TLN2: variants seen among roughly 807,000 people sequenced by gnomAD.
TLN2 encodes the protein talin 2, also known as talin-2.
Under a neutral mutation model 294.7 loss-of-function variants are expected in TLN2, and 118 were observed. That is an observed-to-expected ratio of 0.40 (90% CI 0.34 to 0.47). The LOEUF (loss-of-function observed/expected upper bound fraction) is 0.47. TLN2 is among the 20% of genes least tolerant of loss of function. The pLI is 0.84. For missense variants in TLN2, 3,083 were observed against 3,282.2 expected (o/e 0.94, Z 1.48); for synonymous variants, 1,431 against 1,304.5 (o/e 1.10, Z -2.09).
At position 62,752,402 on chromosome 15, in the gene TLN2, G is replaced by T; in HGVS notation, c.4307G>T (p.Cys1436Phe). Residue 1436 changes from cysteine to phenylalanine, a missense_variant, in exon 35 of 59, where the codon TGT (cysteine) becomes TTT (phenylalanine). By Grantham distance (205) the Cys-to-Phe change is radical (BLOSUM62 -2). Transcript: ENST00000636159. ...GTGGGGATTGCATCCAAGGCTCTCTGTGGGCTGACAGAGGCTGCAGCCCAG... is the reference window on the plus strand; with the variant it reads ...GTGGGGATTGCATCCAAGGCTCTCTTTGGGCTGACAGAGGCTGCAGCCCAG... ...ECVGIASKAL[C>F]GLTEAAAQAA... 1 of 1,614,196 alleles carries T rather than the reference G, an allele frequency of 6.2e-7. No individual in the cohort carries two copies. The highest frequency in any genetic ancestry group is 8.5e-7 in the Non-Finnish European group (1 of 1,180,028).
intron 1 of TLN2, among the ~76,000 whole-genome samples, chr15:62,562,327 C>T (rs965593781): frequency 2.0e-5 from 3 of 152,106 alleles, no homozygotes; most frequent in Non-Finnish European, 2.9e-5. Context: ...GGCAAGGCAT[C>T]GTGGGACAGT....
At chr15:62,595,766 C>T (rs1342460428) in intron 2 of TLN2, among the ~76,000 whole-genome samples, 1 of 152,046 alleles carries the variant, frequency 6.6e-6, no homozygotes, top group Non-Finnish European at 1.5e-5. Flanking sequence ...CATGGATGAA[C>T]CTGGAGAGCA....
chr15:62,488,790 C>T (rs1209972386), intron 1 of TLN2, among the ~76,000 whole-genome samples: 1 of 152,142 alleles, frequency 6.6e-6, no homozygotes, highest in Non-Finnish European at 1.5e-5. Flanking sequence ...TGCTGAGTTG[C>T]TGATTTACCC....
chr15:62,558,115 TG>T (rs2042707886), intron 1 of TLN2, among the ~76,000 whole-genome samples: 1 of 152,244 alleles, frequency 6.6e-6, no homozygotes, highest in African/African-American at 2.4e-5. Flanking sequence ...AAGCTATCAT[TG>T]TAATTCGTTT....
At chr15:62,669,838 T>C (rs1341998367) in intron 9 of TLN2, among the ~76,000 whole-genome samples, 3 of 152,192 alleles carry the variant, frequency 2.0e-5, no homozygotes, top group Non-Finnish European at 4.4e-5. Context: ...GCTGATTTAC[T>C]GGGGAAAATA....
At chr15:62,589,009 C>T (rs987467461) in intron 1 of TLN2, among the ~76,000 whole-genome samples, 2 of 151,842 alleles carry the variant, frequency 1.3e-5, no homozygotes, top group African/African-American at 4.8e-5. Flanking sequence ...TCATACCCAC[C>T]CAGATTTGAT....
At position 62,805,638 on chromosome 15, in the gene TLN2, A is replaced by G. The variant is rs778575468; in HGVS notation, c.6516A>G (p.Ser2172=). Residue 2172 remains serine (S), a synonymous_variant, in exon 51 of 59, where the codon TCA becomes TCG. Coordinates refer to ENST00000636159, the MANE Select transcript of TLN2 (RefSeq NM_015059.3). ...QSKDVPEKTS[S]PEESIRMTKG... is the part of the protein sequence containing the mutation. ...AAGACGTACCTGAAAAGACATCATCACCTGAAGAATCCATAAGGATGACGA... is the reference window on the plus strand; with the variant it reads ...AAGACGTACCTGAAAAGACATCATCGCCTGAAGAATCCATAAGGATGACGA... The G allele has an allele frequency of 6.2e-7, 1 of 1,613,534 alleles. No homozygotes were observed. Among genetic ancestry groups the G allele is most frequent in the Non-Finnish European group, 8.5e-7 (1 of 1,179,666 alleles).
chr15:62,598,052 G>A (rs1465045320), intron 2 of TLN2, among the ~76,000 whole-genome samples: 3 of 152,184 alleles, frequency 2.0e-5, no homozygotes, highest in Non-Finnish European at 4.4e-5. Flanking sequence ...GGATGGGGCA[G>A]TGGCCTGATC....
At chr15:62,503,112 C>T (rs2039396761) in intron 1 of TLN2, among the ~76,000 whole-genome samples, 1 of 152,204 alleles carries the variant, frequency 6.6e-6, no homozygotes, top group Non-Finnish European at 1.5e-5. Flanking sequence ...TCTGCTACAA[C>T]AGCGTCAACA....
In TLN2 at chr15:62,541,743, T is replaced by G. The variant is rs1175811498; in HGVS notation, c.-237-47944T>G. 2.0e-5 allele frequency among the ~76,000 whole-genome samples: 3 copies of G among 152,256 alleles called. No individual in the cohort carries two copies. In the East Asian group the frequency reaches 5.8e-4, roughly 29 times the overall value. On this transcript the variant is annotated intron_variant, in intron 1 of 58. Transcript: ENST00000636159. ...CAATTCAGTTTTCATTGCATTATATTTTTATATATAGGTGTGTATATATAC... is the reference window on the plus strand; with the variant it reads ...CAATTCAGTTTTCATTGCATTATATGTTTATATATAGGTGTGTATATATAC...
intron 1 of TLN2, among the ~76,000 whole-genome samples, chr15:62,456,088 T>C (rs949721693): frequency 3.3e-5 from 5 of 151,588 alleles, no homozygotes; most frequent in Admixed American, 6.6e-5. Context: ...AAAAGAACCT[T>C]ACTGGATCAA....
intron 1 of TLN2, among the ~76,000 whole-genome samples, chr15:62,472,354 C>T (rs2037527528): frequency 6.6e-6 from 1 of 152,210 alleles, no homozygotes; most frequent in Non-Finnish European, 1.5e-5. Flanking sequence ...TGCCAGAGGG[C>T]TCCTTCTGTG....
intron 1 of TLN2, among the ~76,000 whole-genome samples, chr15:62,463,262 C>T (rs2036915069): frequency 6.6e-6 from 1 of 152,196 alleles, no homozygotes; most frequent in Admixed American, 6.5e-5. Flanking sequence ...GTCCGCCCAC[C>T]TCTGTGTTCC....
chr15:62,590,330 C>G (rs1433833064), intron 2 of TLN2, among the ~76,000 whole-genome samples: 1 of 152,104 alleles, frequency 6.6e-6, no homozygotes, highest in Non-Finnish European at 1.5e-5. Flanking sequence ...CCCCAGTAGG[C>G]CCCAGTGTGT....
chr15:62,534,472 G>A (rs933422994), intron 1 of TLN2, among the ~76,000 whole-genome samples: 4 of 152,188 alleles, frequency 2.6e-5, no homozygotes, highest in African/African-American at 9.7e-5. Flanking sequence ...ATGGGAGAAG[G>A]AGCTTGGAGC....
intron 1 of TLN2, among the ~76,000 whole-genome samples, chr15:62,458,427 C>T (rs911939144): frequency 6.6e-6 from 1 of 152,034 alleles, no homozygotes; most frequent in Non-Finnish European, 1.5e-5. Context: ...TGAGAGATGG[C>T]ACATTGATTA....
chr15:62,459,299 CTTTTTTTT>C (rs35344244), intron 1 of TLN2, among the ~76,000 whole-genome samples: 1 of 130,550 alleles, frequency 7.7e-6, no homozygotes, highest in Non-Finnish European at 1.6e-5. Flanking sequence ...CACGCTCGGC[CTTTTTTTT>C]TTTTTTTTTT....
At chr15:62,618,022 C>A (rs1220538557) in intron 2 of TLN2, among the ~76,000 whole-genome samples, 1 of 147,232 alleles carries the variant, frequency 6.8e-6, no homozygotes, top group Non-Finnish European at 1.5e-5. Context: ...TGGTCTCGAA[C>A]TTCTGGGCTC....
intron 28 of TLN2, among the ~76,000 whole-genome samples, chr15:62,732,073 GT>G (rs1405566116): frequency 2.6e-5 from 4 of 152,106 alleles, no homozygotes; most frequent in African/African-American, 9.7e-5. Flanking sequence ...TTTGTGGATT[GT>G]TTAGGACTCC....
Sources: gnomAD v4.1 joint callset for allele counts (sites outside exome capture counted in the v4.1 genomes callset) on GRCh38, gnomAD v4.1.1 for gene constraint, MANE v1.5 for transcripts, NCBI Gene and HGNC (gene_info 2026-07-23, HGNC 2026-07-21) for gene names.